The following CD1B variants were observed in gnomAD, a reference collection of about 807,000 sequenced individuals.
CD1B encodes T-cell surface glycoprotein CD1b.
In CD1B, 43 loss-of-function variants were observed where a neutral mutation model predicts 39.8. That is an observed-to-expected ratio of 1.08 (90% CI 0.85 to 1.39). The LOEUF (loss-of-function observed/expected upper bound fraction) is 1.39. Among genes scored for constraint, CD1B ranks in the 40% most tolerant of loss-of-function variants. The pLI, the probability that CD1B is intolerant of heterozygous loss-of-function variation, is 0.00. For synonymous variants in CD1B, 192 were observed against 152.5 expected (o/e 1.26, Z -1.91); for missense variants, 495 against 403.8 (o/e 1.23, Z -1.94).
At chr1:158,319,856 C>G in the CD1B span, among the ~76,000 whole-genome samples, 6 of 152,206 alleles carry the variant, frequency 3.9e-5, no homozygotes, top group Non-Finnish European at 7.3e-5. Context: ...GATGTCCTTT[C>G]TGTTTGTTAG....
chr1:158,301,890 G>A, the CD1B span, among the ~76,000 whole-genome samples: 2 of 152,044 alleles, frequency 1.3e-5, no homozygotes, highest in African/African-American at 4.8e-5. Flanking sequence ...TTTCCAGCTT[G>A]GTTCCATTCT....
At chr1:158,287,530 G>A in the CD1B span, among the ~76,000 whole-genome samples, 59 of 152,084 alleles carry the variant, frequency 3.9e-4, no homozygotes, top group Non-Finnish European at 6.0e-4. Context: ...CAAACTTTCA[G>A]TCCATAACAA....
chr1:158,291,310 G>A, the CD1B span: 2 of 1,614,170 alleles, frequency 1.2e-6, no homozygotes, highest in Non-Finnish European at 8.5e-7. Context: ...CAGCAATGAA[G>A]AGTTGTCAGA....
chr1:158,308,492 A>G, the CD1B span, among the ~76,000 whole-genome samples: 2 of 152,218 alleles, frequency 1.3e-5, no homozygotes, highest in African/African-American at 2.4e-5. Flanking sequence ...TTTAAAGTTC[A>G]TATGGAACCA....
chr1:158,328,703 C>G (rs73027866), intron 5 of CD1B, among the ~76,000 whole-genome samples: 3 of 152,100 alleles, frequency 2.0e-5, no homozygotes. Context: ...CACCACTGAA[C>G]TGTACACTTA....
At chr1:158,296,215 T>C in the CD1B span, among the ~76,000 whole-genome samples, 1 of 147,824 alleles carries the variant, frequency 6.8e-6, no homozygotes, top group Non-Finnish European at 1.5e-5. Context: ...GCTAGTGGAC[T>C]GGGAGCACCT....
chr1:158,291,220 C>T, the CD1B span: 1 of 1,614,000 alleles, frequency 6.2e-7, no homozygotes, highest in Non-Finnish European at 8.5e-7. Context: ...CTCAGGATGG[C>T]TGGACGAGTT....
At chr1:158,319,202 C>G in the CD1B span, among the ~76,000 whole-genome samples, 1 of 150,908 alleles carries the variant, frequency 6.6e-6, no homozygotes, top group Non-Finnish European at 1.5e-5. Context: ...TGAATCTGAA[C>G]GTTGGCCTGC....
chr1:158,312,109 A>G, the CD1B span, among the ~76,000 whole-genome samples: 3 of 151,908 alleles, frequency 2.0e-5, no homozygotes, highest in African/African-American at 7.3e-5. Flanking sequence ...AACAATGCCA[A>G]TTATTTCAAT....
At chr1:158,298,072 G>T in the CD1B span, among the ~76,000 whole-genome samples, 2 of 151,896 alleles carry the variant, frequency 1.3e-5, no homozygotes, top group Non-Finnish European at 2.9e-5. Context: ...ATACAGGAAA[G>T]AAAAAAGAGC....
At chr1:158,307,750 T>C in the CD1B span, among the ~76,000 whole-genome samples, 6 of 152,224 alleles carry the variant, frequency 3.9e-5, no homozygotes, top group Non-Finnish European at 8.8e-5. Context: ...TAAAGTGGGC[T>C]TCATCTTGAA....
chr1:158,298,915 G>A, the CD1B span, among the ~76,000 whole-genome samples: 1 of 152,192 alleles, frequency 6.6e-6, no homozygotes, highest in African/African-American at 2.4e-5. Flanking sequence ...GAGATTTTGG[G>A]CTGAGGTGAT....
chr1:158,330,229 A>T lies in CD1B; in HGVS notation c.329-99T>A. On this transcript the variant is annotated intron_variant, in intron 2 of 5. Coordinates refer to ENST00000368168, the MANE Select transcript of CD1B (RefSeq NM_001764.3). ...TTTAGATTTTGGTGGGGATAAAGTT[A>T]TTTGGTGTAAAATGATGATGAGCTA... The T allele has an allele frequency of 1.8e-6, 2 of 1,104,984 alleles. 1 individual carries two copies. The highest frequency in any genetic ancestry group is 2.6e-6 in the Non-Finnish European group (2 of 762,154). 68.4% of individuals were successfully genotyped at this position (1,104,984 alleles called of 1,614,324 possible).
At chr1:158,323,527 C>A (rs1364548180), downstream of CD1B, among the ~76,000 whole-genome samples, 1 of 152,082 alleles carries the variant, frequency 6.6e-6, no homozygotes, top group South Asian at 2.1e-4. Context: ...GGTCAAAATT[C>A]CCTGGTTGTT....
At chr1:158,289,984 T>C in the CD1B span, 3 of 1,286,684 alleles carry the variant, frequency 2.3e-6, no homozygotes, top group African/African-American at 2.9e-5. Flanking sequence ...GAAGTCAGAA[T>C]ATAGGTACAG....
At chr1:158,328,305 A>G (rs533667991) in intron 5 of CD1B, 48 bp from the exon 6 acceptor site, 2 of 1,468,886 alleles carry the variant, frequency 1.4e-6, no homozygotes, top group Non-Finnish European at 1.9e-6. Flanking sequence ...AGATGTTTGT[A>G]CACCCATGCT....
At chr1:158,310,151 A>G in the CD1B span, among the ~76,000 whole-genome samples, 2 of 152,186 alleles carry the variant, frequency 1.3e-5, no homozygotes, top group Non-Finnish European at 2.9e-5. Context: ...TAGAGAACCC[A>G]GAAATAAATC....
the CD1B span, among the ~76,000 whole-genome samples, chr1:158,286,124 G>A: frequency 6.6e-6 from 1 of 152,120 alleles, no homozygotes; most frequent in African/African-American, 2.4e-5. Context: ...TCTGTGGTCT[G>A]AGCAAAAGGA....
chr1:158,316,071 T>C, the CD1B span, among the ~76,000 whole-genome samples: 2 of 152,108 alleles, frequency 1.3e-5, no homozygotes, highest in South Asian at 2.1e-4. Flanking sequence ...CCTTGTAGTA[T>C]AGTTTGAAGT....
Sources: gnomAD v4.1 joint callset for allele counts (sites outside exome capture counted in the v4.1 genomes callset) on GRCh38, gnomAD v4.1.1 for gene constraint, MANE v1.5 for transcripts, NCBI Gene and HGNC (gene_info 2026-07-23, HGNC 2026-07-21) for gene names.